The following SCP2 variants were observed in gnomAD, a reference collection of about 807,000 sequenced individuals.
SCP2 encodes the protein SCP-2/3-oxoacyl-CoA thiolase.
A neutral mutation model predicts 71.4 loss-of-function variants in SCP2; 48 were observed. The ratio of observed to expected loss-of-function variants is 0.67; its 90% CI spans 0.53 to 0.86. The LOEUF is 0.86. SCP2 is among the 40% of genes least tolerant of loss of function. SCP2 has a pLI of 0.00. For missense variants in SCP2, 560 were observed against 655.6 expected (o/e 0.85, Z 1.59); for synonymous variants, 220 against 218.1 (o/e 1.01, Z -0.08).
intron 13 of SCP2, among the ~76,000 whole-genome samples, chr1:53,031,556 C>T (rs1218784213): frequency 6.6e-6 from 1 of 152,202 alleles, no homozygotes; most frequent in African/African-American, 2.4e-5. Context: ...AAGTTTGCCA[C>T]AGGACCTACT....
intron 13 of SCP2, among the ~76,000 whole-genome samples, chr1:53,037,889 C>CACACACACACAA (rs1663081614): frequency 1.0e-5 from 1 of 95,612 alleles, no homozygotes; most frequent in Non-Finnish European, 1.8e-5. Context: ...TACACACACA[C>CACACACACACAA]ACACACACAC....
chr1:52,948,088 T>C lies in SCP2; in HGVS notation c.199+8T>C. On this transcript the variant is annotated splice_region_variant and intron_variant, in intron 3 of 15. Transcript: ENST00000371514. ...GTGTTGGCTATGTTTTTGGTATGTA[T>C]TAAACTGTGTATTCTAAAATTTTTT... 6.3e-7 allele frequency: 1 copy of C among 1,582,884 alleles called. No individual in the cohort carries two copies. Among genetic ancestry groups the C allele is most frequent in the Non-Finnish European group, 8.7e-7 (1 of 1,151,642 alleles).
At chr1:52,974,228 C>CG (rs2150162299) in intron 6 of SCP2, among the ~76,000 whole-genome samples, 1 of 152,080 alleles carries the variant, frequency 6.6e-6, no homozygotes, top group East Asian at 1.9e-4. Flanking sequence ...TACCTCATTA[C>CG]TGTACTTTTT....
chr1:52,993,300 G>T, intron 11 of SCP2: 2 of 1,614,180 alleles, frequency 1.2e-6, no homozygotes, highest in Non-Finnish European at 8.5e-7. Context: ...ACCCGGACAA[G>T]TTCATGGAAA....
intron 10 of SCP2, among the ~76,000 whole-genome samples, chr1:52,986,795 T>C (rs987536707): frequency 4.4e-4 from 67 of 152,020 alleles, no homozygotes; most frequent in African/African-American, 1.6e-3. Context: ...CTCCCACAGA[T>C]ACCAAAATCC....
chr1:53,015,666 TG>T, intron 12 of SCP2, among the ~76,000 whole-genome samples: 1 of 152,338 alleles, frequency 6.6e-6, no homozygotes, highest in South Asian at 2.1e-4. Flanking sequence ...TTCTGTAACT[TG>T]GTTATCTTTC....
chr1:52,982,193 T>C (rs1658564203), intron 10 of SCP2, among the ~76,000 whole-genome samples: 1 of 152,176 alleles, frequency 6.6e-6, no homozygotes, highest in African/African-American at 2.4e-5. Context: ...TCTTACCTAC[T>C]AAATGCCAGT....
At chr1:52,986,829 G>A (rs1355948296) in intron 10 of SCP2, among the ~76,000 whole-genome samples, 1 of 151,564 alleles carries the variant, frequency 6.6e-6, no homozygotes, top group East Asian at 1.9e-4. Flanking sequence ...ATATAAAATG[G>A]CATAATTTTT....
rs115271395 is a variant in SCP2, at chr1:52,961,849, A to G, written c.523+220A>G. On this transcript the variant is annotated intron_variant, in intron 6 of 15. Coordinates refer to ENST00000371514, the MANE Select transcript of SCP2 (RefSeq NM_002979.5). Reference sequence around the variant, plus strand: ...GGAAGTACCTAGAGTACTCTATAGCAGGAAGTTGAAATAGGAAAAATAACA... The same window carrying G: ...GGAAGTACCTAGAGTACTCTATAGCGGGAAGTTGAAATAGGAAAAATAACA... 0.025 allele frequency among the ~76,000 whole-genome samples: 3,842 copies of G among 152,326 alleles called. 69 individuals are homozygous for G. The highest frequency in any genetic ancestry group is 0.041 in the Middle Eastern group (12 of 294).
At chr1:52,947,373 T>C (rs1654906607) in intron 2 of SCP2, among the ~76,000 whole-genome samples, 1 of 152,150 alleles carries the variant, frequency 6.6e-6, no homozygotes, top group Non-Finnish European at 1.5e-5. Context: ...ACTTCAAGTT[T>C]TTGATTTGTC....
intron 11 of SCP2, among the ~76,000 whole-genome samples, chr1:52,999,447 G>A (rs1253202000): frequency 6.6e-6 from 1 of 152,122 alleles, no homozygotes; most frequent in African/African-American, 2.4e-5. Context: ...TAATTGTAAG[G>A]CAGTGCTACT....
intron 12 of SCP2, among the ~76,000 whole-genome samples, chr1:53,021,935 A>G (rs1009345418): frequency 2.0e-5 from 3 of 152,170 alleles, no homozygotes; most frequent in African/African-American, 7.2e-5. Context: ...ATGAGCCACC[A>G]TGCCCGGCCT....
intron 3 of SCP2, among the ~76,000 whole-genome samples, chr1:52,949,576 C>T (rs566584170): frequency 5.7e-4 from 86 of 152,206 alleles, no homozygotes; most frequent in African/African-American, 2.0e-3. Flanking sequence ...TTGGCTGGAA[C>T]GGGACCTCAC....
chr1:52,968,613 A>C (rs1447787155), intron 6 of SCP2, among the ~76,000 whole-genome samples: 83 of 152,306 alleles, frequency 5.4e-4, no homozygotes, highest in Non-Finnish European at 5.9e-5. Flanking sequence ...ACATTTCATT[A>C]ACCAAAAATG....
Position 52,991,557 on chromosome 1 carries a change from C to T in SCP2, c.1081+3421C>T, listed in dbSNP as rs769735246. 6.2e-4 allele frequency among the ~76,000 whole-genome samples: 95 copies of T among 152,290 alleles called. 1 individual carries two copies. Among genetic ancestry groups the T allele is most frequent in the Middle Eastern group, 6.8e-3 (2 of 294 alleles). On this transcript the variant is annotated intron_variant, in intron 11 of 15. Transcript: ENST00000371514. ...CCGGGATTATGGGCATGTGCCACCA[C>T]GCCCAGCTAATTTTTGTATTTTTAG...
chr1:52,963,280 A>G (rs753633223), intron 6 of SCP2, among the ~76,000 whole-genome samples: 14 of 151,860 alleles, frequency 9.2e-5, no homozygotes, highest in Admixed American at 6.6e-5. Flanking sequence ...TAGTCTATAA[A>G]CTCCACGAAA....
At chr1:53,033,408 G>A (rs898672941) in intron 13 of SCP2, among the ~76,000 whole-genome samples, 2 of 151,982 alleles carry the variant, frequency 1.3e-5, no homozygotes, top group South Asian at 2.1e-4. Context: ...TTCAAGACCA[G>A]CCTGGCCAAC....
chr1:53,022,039 T>C (rs1661787838), intron 12 of SCP2, among the ~76,000 whole-genome samples: 1 of 149,806 alleles, frequency 6.7e-6, no homozygotes, highest in Admixed American at 6.6e-5. Flanking sequence ...CGTTCAGTGG[T>C]TTTTAGCATA....
intron 11 of SCP2, 140 bp from the exon 12 acceptor site, chr1:53,014,750 C>G (rs1279439884): frequency 1.1e-6 from 1 of 879,020 alleles, no homozygotes; most frequent in Non-Finnish European, 1.8e-6. Context: ...CAAAACCCTT[C>G]GGTGTTTTAA....
Sources: gnomAD v4.1 joint callset for allele counts (sites outside exome capture counted in the v4.1 genomes callset) on GRCh38, gnomAD v4.1.1 for gene constraint, MANE v1.5 for transcripts, NCBI Gene and HGNC (gene_info 2026-07-23, HGNC 2026-07-21) for gene names.